HIBADH: variants seen among roughly 807,000 people sequenced by gnomAD.
HIBADH encodes the protein 3-hydroxyisobutyrate dehydrogenase, also known as 3-hydroxyisobutyrate dehydrogenase, mitochondrial.
Under a neutral mutation model 36.1 loss-of-function variants are expected in HIBADH, and 25 were observed. That is an observed-to-expected ratio of 0.69 (90% CI 0.50 to 0.97). The LOEUF is 0.97. Ranked by LOEUF, HIBADH falls within the 50% of genes least tolerant of loss-of-function variation. The pLI is 0.00. For synonymous variants in HIBADH, 160 were observed against 149.5 expected (o/e 1.07, Z -0.51); for missense variants, 421 against 418.0 (o/e 1.01, Z -0.06).
At chr7:27,587,190 C>T (rs1278750783) in intron 4 of HIBADH, among the ~76,000 whole-genome samples, 1 of 152,222 alleles carries the variant, frequency 6.6e-6, no homozygotes, top group East Asian at 1.9e-4. Flanking sequence ...TTTATTCTTG[C>T]TTTGCTACCT....
chr7:27,638,748 A>G (rs1263477428), intron 2 of HIBADH, among the ~76,000 whole-genome samples: 1 of 152,186 alleles, frequency 6.6e-6, no homozygotes, highest in Non-Finnish European at 1.5e-5. Flanking sequence ...TCAACAAGCA[A>G]AAACCAAACA....
At chr7:27,638,661 C>T (rs1785901103) in intron 2 of HIBADH, among the ~76,000 whole-genome samples, 1 of 151,992 alleles carries the variant, frequency 6.6e-6, no homozygotes, top group Non-Finnish European at 1.5e-5. Flanking sequence ...AACAGACAAC[C>T]TACCTAATGG....
chr7:27,649,267 AAAGAATAG>A, intron 2 of HIBADH, 198 bp downstream of exon 2: 1 of 408,366 alleles, frequency 2.4e-6, no homozygotes, highest in Non-Finnish European at 4.3e-6. Context: ...GTCACCTGCC[AAAGAATAG>A]ATACCCCTGA....
At chr7:27,615,066 A>C (rs545293595) in intron 4 of HIBADH, among the ~76,000 whole-genome samples, 31 of 152,332 alleles carry the variant, frequency 2.0e-4, no homozygotes, top group African/African-American at 7.2e-4. Flanking sequence ...ATAGCCTCTG[A>C]GGACTAGGAA....
chr7:27,588,875 G>C (rs1784901456), intron 4 of HIBADH, among the ~76,000 whole-genome samples: 1 of 152,100 alleles, frequency 6.6e-6, no homozygotes, highest in African/African-American at 2.4e-5. Flanking sequence ...AAATCCAATT[G>C]TTTAGGAATT....
chr7:27,571,826 T>G (rs1784632860), intron 4 of HIBADH, among the ~76,000 whole-genome samples: 1 of 152,228 alleles, frequency 6.6e-6, no homozygotes, highest in African/African-American at 2.4e-5. Context: ...ATTGGTTGAG[T>G]ATCTTCCCAA....
intron 4 of HIBADH, among the ~76,000 whole-genome samples, chr7:27,611,569 T>C (rs544095936): frequency 6.6e-6 from 1 of 151,728 alleles, no homozygotes; most frequent in African/African-American, 2.4e-5. Context: ...ACATGAGACA[T>C]TAAATAAGGA....
rs145138346 is a variant in HIBADH, at chr7:27,635,557, A to C, written c.253-3112T>G. Among the ~76,000 whole-genome samples, 493 of 152,344 alleles carry C rather than the reference A, an allele frequency of 3.2e-3. 6 individuals carry two copies. Among genetic ancestry groups the C allele is most frequent in the African/African-American group, 0.011 (464 of 41,578 alleles). On this transcript the variant is annotated intron_variant, in intron 2 of 7. Transcript: ENST00000265395. ...TATCTCTCAGGGTTCCTATCTCCAA[A>C]GTAAAAAGGAAACTTAGACAGATAT...
chr7:27,542,250 T>C (rs1392040697), intron 5 of HIBADH, among the ~76,000 whole-genome samples: 1 of 151,714 alleles, frequency 6.6e-6, no homozygotes, highest in Non-Finnish European at 1.5e-5. Context: ...GGAAAAAAAA[T>C]AGATGTATAA....
chr7:27,632,486 T>C (rs750339191), intron 2 of HIBADH, 41 bp from the exon 3 acceptor site: 2 of 1,373,038 alleles, frequency 1.5e-6, no homozygotes, highest in Non-Finnish European at 2.1e-6. Flanking sequence ...TAAATTAAAA[T>C]GTAAGCAGTT....
chr7:27,533,806 G>A (rs1483821374), intron 6 of HIBADH, among the ~76,000 whole-genome samples: 4 of 152,138 alleles, frequency 2.6e-5, no homozygotes, highest in Non-Finnish European at 5.9e-5. Flanking sequence ...CAGCTACTGG[G>A]CTCTCAACCA....
At chr7:27,602,687 CT>C (rs1785151352) in intron 4 of HIBADH, among the ~76,000 whole-genome samples, 1 of 152,024 alleles carries the variant, frequency 6.6e-6, no homozygotes, top group South Asian at 2.1e-4. Flanking sequence ...AGGCGTCAGT[CT>C]TTAAAAAAAA....
At chr7:27,539,148 G>A (rs1217731492) in intron 5 of HIBADH, among the ~76,000 whole-genome samples, 1 of 152,102 alleles carries the variant, frequency 6.6e-6, no homozygotes, top group African/African-American at 2.4e-5. Context: ...TCAGAATGGG[G>A]AAGCACTATG....
chr7:27,578,162 ATTACT>A (rs1198958170), intron 4 of HIBADH, among the ~76,000 whole-genome samples: 1 of 152,214 alleles, frequency 6.6e-6, no homozygotes, highest in Non-Finnish European at 1.5e-5. Flanking sequence ...AGCTGAAGAC[ATTACT>A]TAAGCATGAA....
In HIBADH at chr7:27,534,673, A is replaced by G. The variant is rs533716360; in HGVS notation, c.696-3325T>C. ...ATGAGTAAACAAACCATTTCCCATC[A>G]TGGAGCTTCTAGATGGGAAGACAGG... is the stretch of plus-strand genomic sequence containing the variant. On this transcript the variant is annotated intron_variant, in intron 6 of 7. Coordinates refer to ENST00000265395, the MANE Select transcript of HIBADH (RefSeq NM_152740.4). Among the ~76,000 whole-genome samples the G allele has an allele frequency of 1.6e-4, 24 of 152,170 alleles. 1 individual carries two copies. In the South Asian group the frequency reaches 4.8e-3, roughly 30 times the overall value.
chr7:27,535,719 TC>T (rs1426831705), intron 6 of HIBADH, among the ~76,000 whole-genome samples: 1 of 151,810 alleles, frequency 6.6e-6, no homozygotes, highest in Non-Finnish European at 1.5e-5. Context: ...AAAAGGAATC[TC>T]AAAATATATT....
chr7:27,553,309 C>T (rs1193093214), intron 4 of HIBADH, among the ~76,000 whole-genome samples: 1 of 152,116 alleles, frequency 6.6e-6, no homozygotes, highest in African/African-American at 2.4e-5. Context: ...AGAAGAGAAG[C>T]GGTCGATAGA....
chr7:27,527,207 G>T (rs746941549), intron 7 of HIBADH, among the ~76,000 whole-genome samples: 3 of 152,128 alleles, frequency 2.0e-5, no homozygotes, highest in Non-Finnish European at 2.9e-5. Flanking sequence ...GCATCTGGGG[G>T]CTTGTCAGAC....
chr7:27,590,207 C>T (rs1784920231), intron 4 of HIBADH, among the ~76,000 whole-genome samples: 1 of 152,130 alleles, frequency 6.6e-6, no homozygotes. Flanking sequence ...TGCATTTAGA[C>T]TCAGCACCAA....
Sources: gnomAD v4.1 joint callset for allele counts (sites outside exome capture counted in the v4.1 genomes callset) on GRCh38, gnomAD v4.1.1 for gene constraint, MANE v1.5 for transcripts, NCBI Gene and HGNC (gene_info 2026-07-23, HGNC 2026-07-21) for gene names.